TPD52: variants seen among roughly 807,000 people sequenced by gnomAD.
The protein encoded by TPD52 is prostate and colon associated protein.
In TPD52, 17 loss-of-function variants were observed where a neutral mutation model predicts 31.3. The observed-to-expected ratio is 0.54, with a 90% confidence interval of 0.37 to 0.82. The LOEUF is 0.82. Among genes scored for constraint, TPD52 ranks in the 40% least tolerant of loss-of-function variants. The pLI, the probability that TPD52 is intolerant of heterozygous loss-of-function variation, is 0.00. For synonymous variants in TPD52, 83 were observed against 89.6 expected (o/e 0.93, Z 0.42); for missense variants, 212 against 240.1 (o/e 0.88, Z 0.77).
chr8:80,106,422 T>C (rs1807114150), intron 1 of TPD52, among the ~76,000 whole-genome samples: 1 of 152,184 alleles, frequency 6.6e-6, no homozygotes, highest in Non-Finnish European at 1.5e-5. Flanking sequence ...AGTGGTGCGA[T>C]CTTGGCTCAC....
At chr8:80,162,267 T>C (rs764652151) in intron 1 of TPD52, among the ~76,000 whole-genome samples, 14 of 152,138 alleles carry the variant, frequency 9.2e-5, no homozygotes, top group Non-Finnish European at 2.1e-4. Flanking sequence ...TACTGTATTT[T>C]GCTAATAAAA....
intron 5 of TPD52, among the ~76,000 whole-genome samples, chr8:80,045,645 T>C (rs1308920231): frequency 1.3e-5 from 2 of 151,986 alleles, no homozygotes; most frequent in African/African-American, 2.4e-5. Flanking sequence ...TCAGGAGAGG[T>C]GATCATGCAG....
At chr8:80,060,826 G>A (rs1395956075) in intron 2 of TPD52, among the ~76,000 whole-genome samples, 3 of 150,068 alleles carry the variant, frequency 2.0e-5, no homozygotes, top group African/African-American at 7.5e-5. Context: ...CTCAACGCAA[G>A]TGCATTTGTG....
intron 6 of TPD52, chr8:80,042,887 A>AG (rs1810517607): frequency 4.7e-6 from 2 of 428,968 alleles, no homozygotes; most frequent in East Asian, 7.3e-5. Context: ...TTCCATGAAC[A>AG]GGGCCAGTCT....
intron 1 of TPD52, among the ~76,000 whole-genome samples, chr8:80,090,119 T>C (rs1261212556): frequency 1.3e-5 from 2 of 152,144 alleles, no homozygotes; most frequent in Non-Finnish European, 2.9e-5. Flanking sequence ...AGGCCAGGCA[T>C]GGTGGTTCAC....
In TPD52 at chr8:80,047,042, T is replaced by G. The variant is rs189209515; in HGVS notation, c.414-2834A>C. Among the ~76,000 whole-genome samples the G allele has an allele frequency of 2.7e-3, 406 of 152,330 alleles. 2 individuals are homozygous for G. Among genetic ancestry groups the G allele is most frequent in the Non-Finnish European group, 4.3e-3 (293 of 68,028 alleles). Reference sequence around the variant, plus strand: ...TTTCACAGCTATTGATGTACTATTATTCCACTTTGCCCTCACACAATCTTT... The same window carrying G: ...TTTCACAGCTATTGATGTACTATTAGTCCACTTTGCCCTCACACAATCTTT... On this transcript the variant is annotated intron_variant, in intron 5 of 7. Transcript: ENST00000518937.
At chr8:80,155,883 C>CAA (rs550864240) in intron 1 of TPD52, among the ~76,000 whole-genome samples, 3 of 99,478 alleles carry the variant, frequency 3.0e-5, no homozygotes, top group African/African-American at 1.0e-4. Flanking sequence ...AACTTCATCT[C>CAA]AAAAAAAAAA....
intron 5 of TPD52, among the ~76,000 whole-genome samples, chr8:80,048,654 T>G (rs1047140916): frequency 6.6e-6 from 1 of 152,240 alleles, no homozygotes; most frequent in Non-Finnish European, 1.5e-5. Context: ...TAGGTTTTCT[T>G]TATATGTGTC....
At position 80,131,839 on chromosome 8, in the gene TPD52, T is replaced by C. The variant is rs1021174359; in HGVS notation, c.19+39586A>G. 4.6e-5 allele frequency among the ~76,000 whole-genome samples: 7 copies of C among 152,136 alleles called. No homozygotes were observed. The East Asian group carries it at 9.7e-4, about 21-fold the overall frequency. On this transcript the variant is annotated intron_variant, in intron 1 of 7. Coordinates refer to ENST00000518937, the MANE Select transcript of TPD52 (RefSeq NM_001025253.3). ...AGATGTGGGTGGAAAAGGTTTTGGT[T>C]TGGAGACAGATTTTCTATGAAGACG...
intron 1 of TPD52, among the ~76,000 whole-genome samples, chr8:80,083,216 A>G (rs1181130849): frequency 6.6e-6 from 1 of 151,716 alleles, no homozygotes; most frequent in East Asian, 1.9e-4. Flanking sequence ...AGGATTTATG[A>G]GTCATACGGA....
intron 7 of TPD52, among the ~76,000 whole-genome samples, chr8:80,039,460 C>G (rs560534046): frequency 2.0e-5 from 3 of 151,994 alleles, no homozygotes; most frequent in Admixed American, 6.6e-5. Context: ...CTAAATAGCT[C>G]TAGACTTGGT....
At position 80,110,614 on chromosome 8, in the gene TPD52, T is replaced by TA. The variant is rs200279005; in HGVS notation, c.20-46022dup. ...AATGAAAAAAAAAAAGGAGGAAACT[T>TA]AAAAAAAACCATTCCAATTGAGAGT... On this transcript the variant is annotated intron_variant, in intron 1 of 7. Coordinates refer to ENST00000518937, the MANE Select transcript of TPD52 (RefSeq NM_001025253.3). Among the ~76,000 whole-genome samples the TA allele has an allele frequency of 5.2e-3, 778 of 149,246 alleles. 8 individuals are homozygous for TA. The highest frequency in any genetic ancestry group is 0.018 in the African/African-American group (733 of 40,756).
intron 1 of TPD52, among the ~76,000 whole-genome samples, chr8:80,091,646 G>C (rs562272941): frequency 6.6e-6 from 1 of 152,302 alleles, no homozygotes; most frequent in South Asian, 2.1e-4. Flanking sequence ...TTTAGAAATA[G>C]AGTTTGAGTT....
chr8:80,165,389 C>T (rs1811647079), intron 1 of TPD52, among the ~76,000 whole-genome samples: 1 of 152,196 alleles, frequency 6.6e-6, no homozygotes, highest in Non-Finnish European at 1.5e-5. Flanking sequence ...CATACACATA[C>T]ATTTGCTGCA....
In TPD52 at chr8:80,042,631, C is replaced by T. The variant is rs752907528; in HGVS notation, c.493G>A (p.Glu165Lys). Residue 165 changes from glutamate (E) to lysine (K), a missense_variant, in exon 7 of 8, where the codon GAA becomes AAA. Physicochemically the swap from Glu to Lys is moderately conservative, Grantham distance 56. Coordinates refer to ENST00000518937, the MANE Select transcript of TPD52 (RefSeq NM_001025253.3). ...PTFKSFEEKV[E>K]NLKSKVGGTK... ...ATCTCTCTACTTGCCTTTAAGTTTT[C>T]GACCTTTTCTTCAAATGATTTAAAA... 1.9e-5 allele frequency: 30 copies of T among 1,610,044 alleles called. No homozygotes were observed. Among genetic ancestry groups the T allele is most frequent in the Non-Finnish European group, 2.3e-5 (27 of 1,177,806 alleles).
chr8:80,040,032 A>G (rs7827720), intron 7 of TPD52, among the ~76,000 whole-genome samples: 3,487 of 152,202 alleles, frequency 0.023, 91 homozygotes, highest in African/African-American at 0.06. Flanking sequence ...GCACATGGCA[A>G]ATGCTCAGTA....
At chr8:80,094,787 TAA>T (rs577206744) in intron 1 of TPD52, among the ~76,000 whole-genome samples, 11 of 151,948 alleles carry the variant, frequency 7.2e-5, no homozygotes, top group Admixed American at 3.3e-4. Context: ...CACTTAATTA[TAA>T]GAGTTGAAAT....
chr8:80,077,754 C>G (rs1814760213), intron 1 of TPD52, among the ~76,000 whole-genome samples: 1 of 152,198 alleles, frequency 6.6e-6, no homozygotes, highest in African/African-American at 2.4e-5. Flanking sequence ...TTCATTCATT[C>G]ATGCATTCCA....
chr8:80,087,189 C>T (rs1815876197), intron 1 of TPD52, among the ~76,000 whole-genome samples: 1 of 152,090 alleles, frequency 6.6e-6, no homozygotes, highest in Non-Finnish European at 1.5e-5. Flanking sequence ...GCAGGATGTG[C>T]AGGCTTGTAA....
Sources: allele counts gnomAD v4.1 joint callset (sites outside exome capture counted in the v4.1 genomes callset), GRCh38; gene constraint gnomAD v4.1.1; transcripts MANE v1.5; gene names NCBI Gene and HGNC (gene_info 2026-07-23, HGNC 2026-07-21).